The following MISP variants were observed in gnomAD, a reference collection of about 807,000 sequenced individuals.
The protein encoded by MISP is mitotic spindle positioning, also known as mitotic interactor and substrate of PLK1.
Under a neutral mutation model 49.3 loss-of-function variants are expected in MISP, and 51 were observed. The observed-to-expected ratio is 1.03, with a 90% CI of 0.83 to 1.31. The LOEUF is 1.31. MISP is among the 50% of genes most tolerant of loss of function. MISP has a pLI of 0.00. For missense variants in MISP, 1,084 were observed against 935.1 expected (o/e 1.16, Z -2.08); for synonymous variants, 444 against 392.6 (o/e 1.13, Z -1.55).
chr19:758,240 G>A lies in MISP; in HGVS notation c.1294G>A (p.Gly432Arg), dbSNP rs200247169. Reference protein sequence around the residue: ...PDAYQPYLSPGTPQLEFSAFG... With the variant: ...PDAYQPYLSPRTPQLEFSAFG... Reference sequence around the variant, plus strand: ...TGCCTACCAGCCGTACCTGAGCCCCGGGACCCCCCAGCTAGAATTCTCAGC... The same window carrying A: ...TGCCTACCAGCCGTACCTGAGCCCCAGGACCCCCCAGCTAGAATTCTCAGC... The change falls in exon 2 of 5, where the codon GGG (glycine) becomes AGG (arginine). Residue 432 changes from glycine (G) to arginine (R), a missense_variant. Gly to Arg is a moderately radical substitution (Grantham distance 125). Coordinates refer to ENST00000215582, the MANE Select transcript of MISP (RefSeq NM_173481.4). The A allele has an allele frequency of 4.6e-5, 75 of 1,613,480 alleles. No homozygotes were observed. In the East Asian group the frequency reaches 1.1e-3, roughly 24 times the overall value.
chr19:757,753 T>A lies in MISP; in HGVS notation c.807T>A (p.Ser269Arg). ...NKVRAVPTWASVQVVDDPGSL... is the reference protein window; with the variant it reads ...NKVRAVPTWARVQVVDDPGSL... ...TGCGTGCTGTGCCCACCTGGGCCAG[T>A]GTCCAAGTTGTGGATGACCCTGGCT... is the stretch of plus-strand genomic sequence containing the variant. Residue 269 changes from serine (S) to arginine (R), a missense_variant, in exon 2 of 5, where the codon AGT (serine) becomes AGA (arginine). Coordinates refer to ENST00000215582, the MANE Select transcript of MISP (RefSeq NM_173481.4). 6.2e-7 allele frequency: 1 copy of A among 1,613,714 alleles called. No individual in the cohort carries two copies. Among genetic ancestry groups the A allele is most frequent in the Admixed American group, 1.7e-5 (1 of 60,016 alleles).
At chr19:759,548 T>C (rs527455661) in intron 2 of MISP, among the ~76,000 whole-genome samples, 176 of 152,060 alleles carry the variant, frequency 1.2e-3, no homozygotes, top group Middle Eastern at 6.8e-3. Context: ...TACAGGCGCC[T>C]GCCTCCACGC....
At position 757,927 on chromosome 19, in the gene MISP, C is replaced by T. The variant is rs199910475; in HGVS notation, c.981C>T (p.Thr327=). The change falls in exon 2 of 5, where the codon ACC becomes ACT. Residue 327 remains threonine, a synonymous_variant. Coordinates refer to ENST00000215582, the MANE Select transcript of MISP (RefSeq NM_173481.4). ...TDHQELVEIP[T]RPLLTKLSLI... is the part of the protein sequence containing the mutation. ...ACCAGGAGCTGGTGGAAATCCCCAC[C>T]AGGCCGCTGCTGACCAAGCTGAGCC... The T allele has an allele frequency of 2.5e-6, 4 of 1,601,838 alleles. No homozygotes were observed. The highest frequency in any genetic ancestry group is 2.7e-5 in the African/African-American group (2 of 75,008).
chr19:753,398 T>C (rs1470672735), intron 1 of MISP, among the ~76,000 whole-genome samples: 10 of 150,058 alleles, frequency 6.7e-5, no homozygotes, highest in Non-Finnish European at 1.5e-4. Flanking sequence ...TCTTTTTTTT[T>C]TTTTTTGAGG....
chr19:761,374 A>G (rs1297094309), intron 3 of MISP, among the ~76,000 whole-genome samples: 1 of 151,806 alleles, frequency 6.6e-6, no homozygotes, highest in Non-Finnish European at 1.5e-5. Context: ...AAATAAATAA[A>G]TTAATTAATT....
chr19:762,023 CT>C (rs1305645814), intron 4 of MISP, among the ~76,000 whole-genome samples: 1 of 151,970 alleles, frequency 6.6e-6, no homozygotes. Context: ...TCTCGGCTCA[CT>C]GCAAGCTCCG....
Position 758,719 on chromosome 19 carries a change from G to A in MISP, c.1773G>A (p.Gln591=). ...ACCAGAACTCCAGGAGCTCCTCCCA[G>A]GCATCCGGTGAGAAGGGGCTCCAGG... is the stretch of plus-strand genomic sequence containing the variant. ...NSDQNSRSSS[Q]ASGITGSYSV... is the part of the protein sequence containing the mutation. Residue 591 remains glutamine, a synonymous_variant, in exon 2 of 5, where the codon CAG becomes CAA. Transcript: ENST00000215582. 1 of 1,611,926 alleles carries A rather than the reference G, an allele frequency of 6.2e-7. No individual in the cohort carries two copies. Among genetic ancestry groups the A allele is most frequent in the East Asian group, 2.2e-5 (1 of 44,864 alleles).
chr19:761,663 G>T lies in MISP; in HGVS notation c.1950G>T (p.Glu650Asp), dbSNP rs571362658. ...GINPSDGINS[E>D]VLEAIRVTRH... ...ACCCCTCGGACGGTATCAACTCAGA[G>T]GTGAGTATGCTCCTGGGCACGAAGA... is the stretch of plus-strand genomic sequence containing the variant. The change falls in exon 4 of 5, where the codon GAG (glutamate) becomes GAT (aspartate). Residue 650 changes from glutamate to aspartate, a missense_variant and splice_region_variant. Coordinates refer to ENST00000215582, the MANE Select transcript of MISP (RefSeq NM_173481.4). 6.2e-7 allele frequency: 1 copy of T among 1,614,138 alleles called. No homozygotes were observed. Among genetic ancestry groups the T allele is most frequent in the East Asian group, 2.2e-5 (1 of 44,840 alleles).
Position 759,786 on chromosome 19 carries a change from C to T in MISP, c.1781-123C>T, listed in dbSNP as rs2033642332. 3 of 1,139,610 alleles carry T rather than the reference C, an allele frequency of 2.6e-6. No homozygotes were observed. The African/African-American group carries it at 4.7e-5, about 18-fold the overall frequency. The allele number at this position is 1,139,610 out of a possible 1,614,324, so 70.6% of individuals were successfully genotyped here. A position where few individuals can be genotyped will look rare whatever the true frequency, so the allele number is the denominator to read the frequency against. On this transcript the variant is annotated intron_variant, in intron 2 of 4. Coordinates refer to ENST00000215582, the MANE Select transcript of MISP (RefSeq NM_173481.4). ...CTACTTTGGTCAATCTGTCAGTTTC[C>T]CGGATAGTCATCTGCTCTGTCTGTC... is the stretch of plus-strand genomic sequence containing the variant.
At chr19:750,373 T>C (rs1031942448), upstream of MISP, among the ~76,000 whole-genome samples, 1 of 152,006 alleles carries the variant, frequency 6.6e-6, no homozygotes, top group African/African-American at 2.4e-5. Context: ...CTAAATTTTG[T>C]ATTTTTAGTA....
intron 1 of MISP, among the ~76,000 whole-genome samples, chr19:756,377 T>C (rs1960773124): frequency 6.6e-6 from 1 of 152,146 alleles, no homozygotes. Context: ...CACTTACCCA[T>C]CTTTGAACCA....
chr19:761,700 C>T (rs538677153), intron 4 of MISP, 37 bp downstream of exon 4: 2 of 1,610,356 alleles, frequency 1.2e-6, no homozygotes, highest in African/African-American at 1.3e-5. Flanking sequence ...TCAAGTCTTT[C>T]CCCCCCACAT....
chr19:750,188 CTTTTTTTT>C (rs71174321), upstream of MISP, among the ~76,000 whole-genome samples: 1 of 112,642 alleles, frequency 8.9e-6, no homozygotes, highest in East Asian at 3.0e-4. Flanking sequence ...TCGTGCGGTT[CTTTTTTTT>C]TTTTTTTTTT....
rs371906123 is a variant in MISP, at chr19:757,516, G to C, written c.570G>C (p.Gln190His). The change falls in exon 2 of 5, where the codon CAG becomes CAC. Residue 190 changes from glutamine (Q) to histidine (H), a missense_variant. Gln to His is a conservative substitution (Grantham distance 24). Coordinates refer to ENST00000215582, the MANE Select transcript of MISP (RefSeq NM_173481.4). The stretch of plus-strand genomic sequence containing the variant: ...AGGAGAACGTGGTTGACAGGGAGCA[G>C]ATTGACTTCCTGGCAGCGAGACAGC... ...PLEENVVDRE[Q>H]IDFLAARQQF... The C allele has an allele frequency of 1.9e-5, 30 of 1,608,710 alleles. No homozygotes were observed. Among genetic ancestry groups the C allele is most frequent in the Middle Eastern group, 1.6e-4 (1 of 6,078 alleles).
chr19:753,221 T>C (rs1161890972), intron 1 of MISP, among the ~76,000 whole-genome samples: 2 of 152,144 alleles, frequency 1.3e-5, no homozygotes, highest in African/African-American at 4.8e-5. Flanking sequence ...CCGCCTGGTT[T>C]TCAATGTTTC....
rs968448706 is a variant in MISP at position 751,153 on chromosome 19, T to C, written c.-76T>C. The C allele has an allele frequency of 2.0e-5, 3 of 152,406 alleles. No individual in the cohort carries two copies. Among genetic ancestry groups the C allele is most frequent in the African/African-American group, 7.3e-5 (3 of 41,284 alleles). 9.4% of individuals were successfully genotyped at this position (152,406 alleles called of 1,614,324 possible). ...GAGTCAGAGTGGAGGCTGCAGACTG[T>C]GGAGCCGGGAGCCGGCAGGTGAGGC... On this transcript the variant is annotated 5_prime_UTR_variant, in exon 1 of 5. Coordinates refer to ENST00000215582, the MANE Select transcript of MISP (RefSeq NM_173481.4).
chr19:758,385 C>G lies in MISP; in HGVS notation c.1439C>G (p.Thr480Arg). Reference sequence around the variant, plus strand: ...GAATCCTCTGGAAAACCCCTGAGCACAAAGCAAGAGGCATCGAAGCCCCCT... The same window carrying G: ...GAATCCTCTGGAAAACCCCTGAGCAGAAAGCAAGAGGCATCGAAGCCCCCT... ...LSESSGKPLS[T>R]KQEASKPPRG... Residue 480 changes from threonine to arginine, a missense_variant, in exon 2 of 5, where the codon ACA becomes AGA. Coordinates refer to ENST00000215582, the MANE Select transcript of MISP (RefSeq NM_173481.4). 6.2e-7 allele frequency: 1 copy of G among 1,614,226 alleles called. No homozygotes were observed. Among genetic ancestry groups the G allele is most frequent in the African/African-American group, 1.3e-5 (1 of 75,080 alleles).
chr19:758,675 A>T lies in MISP; in HGVS notation c.1729A>T (p.Thr577Ser), dbSNP rs768926675. 3 of 1,614,098 alleles carry T rather than the reference A, an allele frequency of 1.9e-6. No homozygotes were observed. The highest frequency in any genetic ancestry group is 2.5e-6 in the Non-Finnish European group (3 of 1,180,044). The change falls in exon 2 of 5, where the codon ACG (threonine) becomes TCG (serine). Residue 577 changes from threonine (T) to serine (S), a missense_variant. Coordinates refer to ENST00000215582, the MANE Select transcript of MISP (RefSeq NM_173481.4). ...NALFPEVFSP[T>S]PDENSDQNSR... ...TCTCTTCCCAGAGGTCTTCTCCCCAACGCCAGATGAGAACTCTGACCAGAA... is the reference window on the plus strand; with the variant it reads ...TCTCTTCCCAGAGGTCTTCTCCCCATCGCCAGATGAGAACTCTGACCAGAA...
chr19:763,612 C>CCCCTG lies in MISP; in HGVS notation c.*33_*37dup, dbSNP rs1568246497. ...CTGAGCCTCGGGATGGGGCGCCCACCCCCTGCCCTGCCCTGACCCTCGTGG... is the reference window on the plus strand; with the variant it reads ...CTGAGCCTCGGGATGGGGCGCCCACCCCCTGCCCTGCCCTGCCCTGACCCTCGTGG... On this transcript the variant is annotated 3_prime_UTR_variant, in exon 5 of 5. Transcript: ENST00000215582. 2.5e-6 allele frequency: 4 copies of CCCCTG among 1,579,800 alleles called. No individual in the cohort carries two copies. Among genetic ancestry groups the CCCCTG allele is most frequent in the Middle Eastern group, 1.7e-4 (1 of 5,866 alleles).
Sources: allele counts gnomAD v4.1 joint callset (sites outside exome capture counted in the v4.1 genomes callset), GRCh38; gene constraint gnomAD v4.1.1; transcripts MANE v1.5; gene names NCBI Gene and HGNC (gene_info 2026-07-23, HGNC 2026-07-21).